Variants in PHACTR1 observed in about 807,000 individuals in gnomAD.
PHACTR1 encodes phosphatase and actin regulator 1.
In PHACTR1, 16 loss-of-function variants were observed where a neutral mutation model predicts 69.2. That is an observed-to-expected ratio of 0.23 (90% CI 0.16 to 0.35). The LOEUF (loss-of-function observed/expected upper bound fraction) is 0.35, where lower values mean the gene tolerates loss of function less well. PHACTR1 is among the 10% of genes least tolerant of loss of function. The pLI, the probability that PHACTR1 is intolerant of heterozygous loss-of-function variation, is 1.00. For missense variants in PHACTR1, 510 were observed against 734.7 expected, an observed-to-expected ratio of 0.69 and a Z score of 3.54; for synonymous variants, 312 against 284.5, an observed-to-expected ratio of 1.10 and a Z score of -0.97.
chr6:13,058,950 A>G (rs1457692875), intron 5 of PHACTR1, among the ~76,000 whole-genome samples: 5 of 152,152 alleles, frequency 3.3e-5, no homozygotes, highest in African/African-American at 1.2e-4. Context: ...CTGCAGACAG[A>G]CCAGTGGGAG....
chr6:12,790,995 A>T (rs760444705), intron 4 of PHACTR1, among the ~76,000 whole-genome samples: 2 of 152,204 alleles, frequency 1.3e-5, no homozygotes, highest in African/African-American at 4.8e-5. Context: ...TGAGAAGGCA[A>T]ACACGATAGA....
chr6:12,809,295 G>A (rs932321335), intron 4 of PHACTR1, among the ~76,000 whole-genome samples: 2 of 152,112 alleles, frequency 1.3e-5, no homozygotes, highest in African/African-American at 4.8e-5. Context: ...TTACATAGGT[G>A]CTTTTATTAT....
Position 13,110,026 on chromosome 6 carries a change from TTC to T in PHACTR1, c.416-50173_416-50172del, listed in dbSNP as rs561329147. Among the ~76,000 whole-genome samples the T allele has an allele frequency of 4.2e-4, 64 of 152,218 alleles. 1 individual carries two copies. The East Asian group carries it at 0.011, about 27-fold the overall frequency. On this transcript the variant is annotated intron_variant, in intron 5 of 14. Coordinates refer to ENST00000332995, the MANE Select transcript of PHACTR1 (RefSeq NM_030948.6). ...TTGTTGTTTTTTTAATATCTTAAGC[TTC>T]TCTCAGTTTCTCTTATGTTCATATT...
At chr6:12,863,995 A>C (rs375521886) in intron 4 of PHACTR1, among the ~76,000 whole-genome samples, 2 of 152,294 alleles carry the variant, frequency 1.3e-5, no homozygotes, top group East Asian at 3.9e-4. Context: ...ATGCACCGAC[A>C]CTAAGGCATT....
In PHACTR1 at chr6:12,749,883, C is replaced by T. The variant is rs1425303113; in HGVS notation, c.250+93C>T. The T allele has an allele frequency of 4.0e-6, 5 of 1,240,130 alleles. No individual in the cohort carries two copies. In the African/African-American group the frequency reaches 6.1e-5, roughly 15 times the overall value. The allele number at this position is 1,240,130 out of a possible 1,614,324, so 76.8% of individuals were successfully genotyped here. ...CCGCCCCTCCCGGGCGTCCTCCCCG[C>T]CGCCCCCCGCAGTCGGGCGCTCAGC... On this transcript the variant is annotated intron_variant, in intron 4 of 14. Coordinates refer to ENST00000332995, the MANE Select transcript of PHACTR1 (RefSeq NM_030948.6).
In PHACTR1 at chr6:12,790,709, A is replaced by G. The variant is rs192450731; in HGVS notation, c.250+40919A>G. ...AGAAGTACATAGGATGGATCAGAGAATCTTAAGGAAAGTGAAGAACTAGGT... is the reference window on the plus strand; with the variant it reads ...AGAAGTACATAGGATGGATCAGAGAGTCTTAAGGAAAGTGAAGAACTAGGT... On this transcript the variant is annotated intron_variant, in intron 4 of 14. Transcript: ENST00000332995. Among the ~76,000 whole-genome samples the G allele has an allele frequency of 3.3e-3, 509 of 152,352 alleles. 3 individuals are homozygous for G. The highest frequency in any genetic ancestry group is 0.012 in the African/African-American group (490 of 41,586).
chr6:12,814,362 A>C lies in PHACTR1; in HGVS notation c.250+64572A>C, dbSNP rs75273977. Among the ~76,000 whole-genome samples, 157 of 152,366 alleles carry C rather than the reference A, an allele frequency of 1.0e-3. No individual in the cohort carries two copies. The East Asian group carries it at 0.013, about 12-fold the overall frequency. ...TCCCGATCTTCATTAGCTTGTGGCA[A>C]GAAGTAAACAAAGACATTTATGAAA... On this transcript the variant is annotated intron_variant, in intron 4 of 14. Transcript: ENST00000332995.
At chr6:12,864,919 T>G (rs1781307148) in intron 4 of PHACTR1, among the ~76,000 whole-genome samples, 1 of 152,182 alleles carries the variant, frequency 6.6e-6, no homozygotes, top group African/African-American at 2.4e-5. Flanking sequence ...TCTTCTTGAT[T>G]TTCTTGTTTG....
chr6:13,008,677 G>A (rs565691494), intron 4 of PHACTR1, among the ~76,000 whole-genome samples: 4 of 152,110 alleles, frequency 2.6e-5, no homozygotes, highest in Non-Finnish European at 5.9e-5. Context: ...TAGCAGCAGC[G>A]CTGCACCATT....
intron 4 of PHACTR1, among the ~76,000 whole-genome samples, chr6:13,017,440 T>G (rs1005503378): frequency 2.0e-5 from 3 of 152,164 alleles, no homozygotes; most frequent in South Asian, 4.1e-4. Context: ...TAATTGTTTT[T>G]TCCCTCCTTA....
At chr6:12,933,563 C>A in intron 4 of PHACTR1, 1 of 1,584,424 alleles carries the variant, frequency 6.3e-7, no homozygotes, top group East Asian at 2.2e-5. Flanking sequence ...CAGGGTGATT[C>A]TTCTTGTTAT....
intron 10 of PHACTR1, among the ~76,000 whole-genome samples, chr6:13,251,571 A>T (rs1774407503): frequency 6.6e-6 from 1 of 152,074 alleles, no homozygotes; most frequent in Non-Finnish European, 1.5e-5. Context: ...ATTTGATGTG[A>T]CCGGAATGTG....
intron 5 of PHACTR1, among the ~76,000 whole-genome samples, chr6:13,064,610 A>C (rs201337478): frequency 0.042 from 389 of 9,228 alleles, 40 homozygotes; most frequent in South Asian, 0.059. Context: ...ATATATCTAT[A>C]TATCTATCTA....
At chr6:12,995,347 A>G (rs1797302354) in intron 4 of PHACTR1, among the ~76,000 whole-genome samples, 1 of 152,088 alleles carries the variant, frequency 6.6e-6, no homozygotes, top group Admixed American at 6.5e-5. Flanking sequence ...AAAGACAAAT[A>G]GAAAACCAAA....
chr6:12,782,820 AAAAG>A (rs1771006551), intron 4 of PHACTR1, among the ~76,000 whole-genome samples: 1 of 152,222 alleles, frequency 6.6e-6, no homozygotes, highest in Non-Finnish European at 1.5e-5. Context: ...GTAGCTATCA[AAAAG>A]AATTATTCAA....
chr6:13,067,588 A>T (rs34952336), intron 5 of PHACTR1, among the ~76,000 whole-genome samples: 26,014 of 152,220 alleles, frequency 0.17, 2,832 homozygotes, highest in South Asian at 0.39. Flanking sequence ...ACCCCACAGT[A>T]TCTAGTTCAA....
At position 12,945,880 on chromosome 6, in the gene PHACTR1, C is replaced by T. The variant is rs182034434; in HGVS notation, c.251-107485C>T. ...TCAGGAGGTTGAGGCAGGAGAACTG[C>T]TTGAACCCAGGAGGTGGAGGTTGCA... On this transcript the variant is annotated intron_variant, in intron 4 of 14. Coordinates refer to ENST00000332995, the MANE Select transcript of PHACTR1 (RefSeq NM_030948.6). Among the ~76,000 whole-genome samples the T allele has an allele frequency of 4.5e-3, 681 of 152,052 alleles. 9 individuals are homozygous for T. Among genetic ancestry groups the T allele is most frequent in the African/African-American group, 0.016 (659 of 41,452 alleles).
intron 4 of PHACTR1, among the ~76,000 whole-genome samples, chr6:12,826,040 T>A (rs1035035320): frequency 6.6e-6 from 1 of 152,274 alleles, no homozygotes; most frequent in African/African-American, 2.4e-5. Flanking sequence ...AGTATGATTT[T>A]GTGCATGCAC....
chr6:12,942,574 G>A (rs771897181), intron 4 of PHACTR1, among the ~76,000 whole-genome samples: 5 of 152,082 alleles, frequency 3.3e-5, no homozygotes, highest in East Asian at 3.9e-4. Context: ...CAGGAGAATC[G>A]CTTGAACCCA....
Sources: gnomAD v4.1 joint callset for allele counts (sites outside exome capture counted in the v4.1 genomes callset) on GRCh38, gnomAD v4.1.1 for gene constraint, MANE v1.5 for transcripts, NCBI Gene and HGNC (gene_info 2026-07-23, HGNC 2026-07-21) for gene names.